Variants in MORC1 observed in about 807,000 individuals in gnomAD.
The protein encoded by MORC1 is MORC family CW-type zinc finger protein 1.
In MORC1, 59 loss-of-function variants were observed where a neutral mutation model predicts 134.9. The ratio of observed to expected loss-of-function variants is 0.44; its 90% CI spans 0.35 to 0.54. MORC1 has a LOEUF of 0.54. MORC1 is among the 20% of genes least tolerant of loss of function. The pLI, the probability that MORC1 is intolerant of heterozygous loss-of-function variation, is 0.00. For synonymous variants in MORC1, 395 were observed against 391.7 expected (o/e 1.01, Z -0.10); for missense variants, 947 against 1,134.5 (o/e 0.83, Z 2.37).
intron 21 of MORC1, among the ~76,000 whole-genome samples, chr3:108,994,501 T>C (rs3792352): frequency 0.2 from 29,992 of 152,044 alleles, 3,384 homozygotes; most frequent in Middle Eastern, 0.32. Context: ...AAATCTGGGT[T>C]TGCCTCTAAC....
At chr3:109,100,377 G>A in intron 5 of MORC1, 40 bp downstream of exon 5, 1 of 1,402,258 alleles carries the variant, frequency 7.1e-7, no homozygotes, top group Non-Finnish European at 1.0e-6. Context: ...AGTGTTCCCA[G>A]TATCAATAAT....
intron 23 of MORC1, 25 bp from the exon 24 acceptor site, chr3:108,979,692 A>G (rs763357553): frequency 7.7e-5 from 124 of 1,608,974 alleles, no homozygotes; most frequent in Non-Finnish European, 1.0e-4. Context: ...TTCAAAGTAG[A>G]AATCATGTTA....
At position 109,015,401 on chromosome 3, in the gene MORC1, T is replaced by A. The variant is rs3804694; in HGVS notation, c.1705-8310A>T. Among the ~76,000 whole-genome samples, 8 of 152,288 alleles carry A rather than the reference T, an allele frequency of 5.3e-5. No individual in the cohort carries two copies. The East Asian group carries it at 1.5e-3, about 29-fold the overall frequency. ...GAGTGGGTTACATTTTAACTGTATC[T>A]TTAGTAAAGTGCACCATATCCTTAA... is the stretch of plus-strand genomic sequence containing the variant. On this transcript the variant is annotated intron_variant, in intron 17 of 27. Transcript: ENST00000232603.
At chr3:109,011,505 G>GT (rs1948682771) in intron 17 of MORC1, among the ~76,000 whole-genome samples, 1 of 148,830 alleles carries the variant, frequency 6.7e-6, no homozygotes. Flanking sequence ...TCTTATTATT[G>GT]TTTTTGTGCT....
chr3:109,111,050 T>TAAAAAAAAAAAA (rs11344763), intron 2 of MORC1, among the ~76,000 whole-genome samples: 4 of 113,862 alleles, frequency 3.5e-5, no homozygotes, highest in African/African-American at 6.2e-5. Flanking sequence ...GGATATAATT[T>TAAAAAAAAAAAA]AAAAAAAAAA....
chr3:109,046,881 C>T (rs971956439), intron 14 of MORC1, among the ~76,000 whole-genome samples: 1 of 151,956 alleles, frequency 6.6e-6, no homozygotes, highest in Non-Finnish European at 1.5e-5. Flanking sequence ...AGTGTAAGTC[C>T]CATATACAGT....
At chr3:109,091,155 G>T (rs1950715029) in intron 8 of MORC1, among the ~76,000 whole-genome samples, 1 of 152,106 alleles carries the variant, frequency 6.6e-6, no homozygotes, top group Admixed American at 6.5e-5. Context: ...AAAAATACAT[G>T]TATGTTGGCC....
chr3:109,000,989 TAC>T (rs1363965588), intron 20 of MORC1, among the ~76,000 whole-genome samples: 1 of 152,194 alleles, frequency 6.6e-6, no homozygotes, highest in Admixed American at 6.6e-5. Context: ...TTGTTTCAAT[TAC>T]AGTTTAAAAT....
intron 3 of MORC1, among the ~76,000 whole-genome samples, chr3:109,109,255 T>C (rs927183421): frequency 6.6e-6 from 1 of 152,290 alleles, no homozygotes; most frequent in East Asian, 1.9e-4. Flanking sequence ...GCCTTGTATA[T>C]TACATATTTG....
At chr3:108,963,268 G>A in intron 27 of MORC1, 146 bp downstream of exon 27, 1 of 582,498 alleles carries the variant, frequency 1.7e-6, no homozygotes, top group Non-Finnish European at 3.0e-6. Flanking sequence ...ATTTATTTAT[G>A]ATTTCAAAAT....
intron 24 of MORC1, among the ~76,000 whole-genome samples, chr3:108,976,153 A>C (rs1194714197): frequency 6.6e-6 from 1 of 152,236 alleles, no homozygotes; most frequent in Non-Finnish European, 1.5e-5. Flanking sequence ...GAGTATGTAC[A>C]GTAAAAACTA....
intron 26 of MORC1, among the ~76,000 whole-genome samples, chr3:108,964,927 T>C (rs1947176492): frequency 6.6e-6 from 1 of 152,186 alleles, no homozygotes; most frequent in Non-Finnish European, 1.5e-5. Flanking sequence ...GGGAATCCAC[T>C]TTTGAACATC....
intron 9 of MORC1, among the ~76,000 whole-genome samples, chr3:109,067,295 C>G (rs1360186532): frequency 6.6e-6 from 1 of 152,022 alleles, no homozygotes; most frequent in African/African-American, 2.4e-5. Flanking sequence ...ATTATATAAA[C>G]AATATTTTAA....
intron 26 of MORC1, among the ~76,000 whole-genome samples, chr3:108,965,563 AT>A (rs1473997815): frequency 1.3e-5 from 2 of 152,158 alleles, no homozygotes; most frequent in African/African-American, 4.8e-5. Flanking sequence ...GGTAATGAGA[AT>A]TCTGCATCCT....
Position 109,063,477 on chromosome 3 carries a change from C to T in MORC1, c.816-246G>A, listed in dbSNP as rs116738302. ...AGAGCGATAAGAAAATCTGCCCACA[C>T]AAATGTTCACTTAGACATCTAAAAT... On this transcript the variant is annotated intron_variant, in intron 9 of 27. Coordinates refer to ENST00000232603, the MANE Select transcript of MORC1 (RefSeq NM_014429.4). Among the ~76,000 whole-genome samples, 776 of 152,162 alleles carry T rather than the reference C, an allele frequency of 5.1e-3. 17 individuals are homozygous for T. Among genetic ancestry groups the T allele is most frequent in the African/African-American group, 0.018 (745 of 41,512 alleles).
At chr3:109,105,866 G>C (rs1951022935) in intron 3 of MORC1, among the ~76,000 whole-genome samples, 1 of 152,030 alleles carries the variant, frequency 6.6e-6, no homozygotes, top group African/African-American at 2.4e-5. Context: ...TTAGGATCCG[G>C]ACTACCATTT....
chr3:109,006,514 GAAT>G (rs1948544257), intron 18 of MORC1, among the ~76,000 whole-genome samples: 1 of 152,140 alleles, frequency 6.6e-6, no homozygotes, highest in Non-Finnish European at 1.5e-5. Flanking sequence ...TAAGAAATGT[GAAT>G]AATTAAAATT....
At chr3:108,983,760 A>C (rs1947818577) in intron 23 of MORC1, among the ~76,000 whole-genome samples, 1 of 152,202 alleles carries the variant, frequency 6.6e-6, no homozygotes, top group African/African-American at 2.4e-5. Context: ...GGAGACCCTA[A>C]AGAAGGGAAC....
intron 16 of MORC1, 56 bp from the exon 17 acceptor site, chr3:109,027,945 G>C (rs1949124850): frequency 7.1e-6 from 11 of 1,550,522 alleles, no homozygotes; most frequent in African/African-American, 1.4e-5. Context: ...ACTACTTACT[G>C]TCTGTAAAAG....
Sources: allele counts gnomAD v4.1 joint callset (sites outside exome capture counted in the v4.1 genomes callset), GRCh38; gene constraint gnomAD v4.1.1; transcripts MANE v1.5; gene names NCBI Gene and HGNC (gene_info 2026-07-23, HGNC 2026-07-21).